Variants in KALRN observed in about 807,000 individuals in gnomAD.
KALRN encodes the protein kalirin.
KALRN carries 70 observed loss-of-function variants against 353.7 expected under a neutral mutation model. The ratio of observed to expected loss-of-function variants is 0.20; its 90% CI spans 0.16 to 0.24. KALRN has a LOEUF of 0.24. KALRN is among the 10% of genes least tolerant of loss of function. The pLI, the probability that KALRN is intolerant of heterozygous loss-of-function variation, is 1.00. For synonymous variants in KALRN, 1,391 were observed against 1,434.8 expected (o/e 0.97, Z 0.69); for missense variants, 2,791 against 3,756.7 (o/e 0.74, Z 6.72).
At chr3:124,392,715 C>T (rs1325400197) in intron 11 of KALRN, among the ~76,000 whole-genome samples, 1 of 150,886 alleles carries the variant, frequency 6.6e-6, no homozygotes, top group Admixed American at 6.6e-5. Flanking sequence ...AGTGATTCTC[C>T]TGCCTCAGCC....
intron 9 of KALRN, among the ~76,000 whole-genome samples, chr3:124,343,062 G>A (rs2081935969): frequency 2.6e-5 from 4 of 152,098 alleles, no homozygotes; most frequent in South Asian, 4.2e-4. Flanking sequence ...CATTGGCCTC[G>A]CCTGGGTCAC....
intron 38 of KALRN, among the ~76,000 whole-genome samples, chr3:124,651,199 A>G (rs2083377697): frequency 6.6e-6 from 1 of 152,252 alleles, no homozygotes; most frequent in South Asian, 2.1e-4. Flanking sequence ...TTAGAAATTT[A>G]AAACATAGTG....
At chr3:124,328,954 TTTA>T (rs747341823) in intron 7 of KALRN, among the ~76,000 whole-genome samples, 8 of 152,256 alleles carry the variant, frequency 5.3e-5, no homozygotes, top group Non-Finnish European at 1.0e-4. Context: ...TAGGCAGCTC[TTTA>T]TTGTCCTCAT....
Position 124,264,704 on chromosome 3 carries a change from C to G in KALRN, c.456+14C>G, listed in dbSNP as rs754470310. 1.9e-6 allele frequency: 3 copies of G among 1,610,634 alleles called. No homozygotes were observed. In the South Asian group the frequency reaches 3.3e-5, roughly 18 times the overall value. Reference sequence around the variant, plus strand: ...TTCATCTTTGAGGTGAGCCAGATTTCTCTCTCTTAGCATCTTCTTTCCCTT... The same window carrying G: ...TTCATCTTTGAGGTGAGCCAGATTTGTCTCTCTTAGCATCTTCTTTCCCTT... On this transcript the variant is annotated intron_variant, in intron 4 of 59. Coordinates refer to ENST00000682506, the MANE Select transcript of KALRN (RefSeq NM_001388419.1).
chr3:124,449,035 A>G (rs763426925), intron 21 of KALRN, among the ~76,000 whole-genome samples: 19 of 152,240 alleles, frequency 1.2e-4, no homozygotes, highest in Non-Finnish European at 2.4e-4. Flanking sequence ...CTACAGGATA[A>G]CAAACCCAGT....
intron 34 of KALRN, among the ~76,000 whole-genome samples, chr3:124,590,810 C>A (rs1038019579): frequency 1.3e-5 from 2 of 152,104 alleles, no homozygotes; most frequent in Non-Finnish European, 2.9e-5. Context: ...GGGACTAAAT[C>A]ATGGAAAGCT....
chr3:124,264,436 A>T, intron 3 of KALRN, 62 bp from the exon 4 acceptor site: 1 of 1,471,972 alleles, frequency 6.8e-7, no homozygotes, highest in East Asian at 2.4e-5. Context: ...GTGCTTTTTG[A>T]CTGTGTACTC....
chr3:124,242,117 A>G (rs1364812265), intron 3 of KALRN, among the ~76,000 whole-genome samples: 1 of 152,250 alleles, frequency 6.6e-6, no homozygotes, highest in Non-Finnish European at 1.5e-5. Context: ...AATGACAATT[A>G]AAATTGCCTT....
intron 1 of KALRN, among the ~76,000 whole-genome samples, chr3:124,213,925 CTTG>C (rs780640164): frequency 4.6e-5 from 7 of 152,126 alleles, no homozygotes; most frequent in Non-Finnish European, 8.8e-5. Context: ...TGCTATTTGA[CTTG>C]TTATCATAAC....
chr3:124,146,348 T>C (rs1158921359), intron 1 of KALRN, among the ~76,000 whole-genome samples: 4 of 152,192 alleles, frequency 2.6e-5, no homozygotes, highest in African/African-American at 9.7e-5. Flanking sequence ...AATCTAAAAA[T>C]TAAAAAATTG....
At chr3:124,238,446 G>A (rs1051094637) in intron 3 of KALRN, among the ~76,000 whole-genome samples, 2 of 152,170 alleles carry the variant, frequency 1.3e-5, no homozygotes, top group Admixed American at 6.5e-5. Flanking sequence ...TGTTAGGGAT[G>A]CTGTAGAAAA....
At chr3:124,048,825 ATG>A (rs1159627828) in intron 1 of KALRN, among the ~76,000 whole-genome samples, 2 of 152,290 alleles carry the variant, frequency 1.3e-5, no homozygotes, top group Admixed American at 6.5e-5. Flanking sequence ...TGTTGTGAGG[ATG>A]TGTTACTTTA....
At chr3:124,343,475 T>G (rs1560620507) in intron 9 of KALRN, among the ~76,000 whole-genome samples, 1 of 152,144 alleles carries the variant, frequency 6.6e-6, no homozygotes, top group Non-Finnish European at 1.5e-5. Flanking sequence ...GAGCAATAAT[T>G]TATAACTGAA....
rs2063364343 is a variant in KALRN at position 124,722,071 on chromosome 3, G to T, written c.*2601G>T. The T allele has an allele frequency of 6.6e-6, 1 of 152,336 alleles. No homozygotes were observed. Among genetic ancestry groups the T allele is most frequent in the African/African-American group, 2.4e-5 (1 of 41,444 alleles). 9.4% of individuals were successfully genotyped at this position (152,336 alleles called of 1,614,324 possible). A position where few individuals can be genotyped will look rare whatever the true frequency, so the allele number is the denominator to read the frequency against. On this transcript the variant is annotated 3_prime_UTR_variant, in exon 60 of 60. Coordinates refer to ENST00000682506, the MANE Select transcript of KALRN (RefSeq NM_001388419.1). ...GGCAAGTTCTGTTCTGTCCACTGTGGATGACCTGAATCAAGATCCCCCTGC... is the reference window on the plus strand; with the variant it reads ...GGCAAGTTCTGTTCTGTCCACTGTGTATGACCTGAATCAAGATCCCCCTGC...
At chr3:124,594,466 C>T (rs887530497) in intron 34 of KALRN, among the ~76,000 whole-genome samples, 1 of 152,172 alleles carries the variant, frequency 6.6e-6, no homozygotes, top group Non-Finnish European at 1.5e-5. Flanking sequence ...CCTTGTGATC[C>T]GCCTGCCTTG....
At chr3:124,252,780 A>C (rs529619457) in intron 3 of KALRN, among the ~76,000 whole-genome samples, 15 of 152,326 alleles carry the variant, frequency 9.8e-5, no homozygotes, top group Non-Finnish European at 1.9e-4. Flanking sequence ...GGTGGAGAAC[A>C]GTCACCCATG....
intron 4 of KALRN, among the ~76,000 whole-genome samples, chr3:124,265,363 G>A (rs151198683): frequency 7.3e-6 from 1 of 136,802 alleles, no homozygotes; most frequent in African/African-American, 2.8e-5. Flanking sequence ...GATGATCTCG[G>A]CTCACTGCAA....
rs537075331 is a variant in KALRN, at chr3:124,546,583, G to A, written c.4936-16260G>A. Among the ~76,000 whole-genome samples the A allele has an allele frequency of 3.3e-5, 5 of 152,284 alleles. No individual in the cohort carries two copies. In the South Asian group the frequency reaches 1.0e-3, roughly 32 times the overall value. On this transcript the variant is annotated intron_variant, in intron 33 of 59. Coordinates refer to ENST00000682506, the MANE Select transcript of KALRN (RefSeq NM_001388419.1). ...TGTGGAAGCTGGGTTGGGGGTTAGGGAAAGAGAAGTACAAAATCAGAATGC... is the reference window on the plus strand; with the variant it reads ...TGTGGAAGCTGGGTTGGGGGTTAGGAAAAGAGAAGTACAAAATCAGAATGC...
At chr3:124,055,907 G>A (rs2041488668) in intron 1 of KALRN, among the ~76,000 whole-genome samples, 1 of 152,140 alleles carries the variant, frequency 6.6e-6, no homozygotes, top group Admixed American at 6.5e-5. Context: ...TCTGCACCCA[G>A]GTACCCACCT....
Sources: allele counts gnomAD v4.1 joint callset (sites outside exome capture counted in the v4.1 genomes callset), GRCh38; gene constraint gnomAD v4.1.1; transcripts MANE v1.5; gene names NCBI Gene and HGNC (gene_info 2026-07-23, HGNC 2026-07-21).